IL7: variants seen among roughly 807,000 people sequenced by gnomAD.
IL7 encodes the protein interleukin-7.
A neutral mutation model predicts 21.6 loss-of-function variants in IL7; 3 were observed. That is an observed-to-expected ratio of 0.14 (90% confidence interval 0.06 to 0.36). The LOEUF (loss-of-function observed/expected upper bound fraction) is 0.36. Among genes scored for constraint, IL7 ranks in the 10% least tolerant of loss-of-function variants. The pLI, the probability that IL7 is intolerant of heterozygous loss-of-function variation, is 1.00. For synonymous variants in IL7, 62 were observed against 68.1 expected, an observed-to-expected ratio of 0.91 and a Z score of 0.44; for missense variants, 175 against 200.2, an observed-to-expected ratio of 0.87 and a Z score of 0.76.
At position 78,805,047 on chromosome 8, in the gene IL7, G is replaced by T; in HGVS notation, c.-125C>A. The T allele has an allele frequency of 9.8e-7, 1 of 1,018,642 alleles. No individual in the cohort carries two copies. The highest frequency in any genetic ancestry group is 1.6e-5 in the South Asian group (1 of 63,022). The allele number at this position is 1,018,642 out of a possible 1,614,324, so 63.1% of individuals were successfully genotyped here. On this transcript the variant is annotated 5_prime_UTR_variant, in exon 1 of 6. Transcript: ENST00000263851. Reference sequence around the variant, plus strand: ...TTGCCGAGTCTGTGTTGGGCAGGGTGATCTCTGCAGCTGGTTCCTCTTACC... The same window carrying T: ...TTGCCGAGTCTGTGTTGGGCAGGGTTATCTCTGCAGCTGGTTCCTCTTACC...
At chr8:78,789,373 A>C (rs1161027701) in intron 2 of IL7, among the ~76,000 whole-genome samples, 6 of 152,162 alleles carry the variant, frequency 3.9e-5, no homozygotes, top group Non-Finnish European at 7.3e-5. Flanking sequence ...TTTTATTGTA[A>C]TCAATTTACA....
chr8:78,734,109 GT>G (rs948972375), intron 5 of IL7, among the ~76,000 whole-genome samples: 4 of 152,162 alleles, frequency 2.6e-5, no homozygotes, highest in African/African-American at 7.2e-5. Flanking sequence ...TAATAACACT[GT>G]TTGGAATTTC....
intron 2 of IL7, among the ~76,000 whole-genome samples, chr8:78,740,549 G>A (rs1811742401): frequency 1.3e-5 from 2 of 152,166 alleles, no homozygotes; most frequent in African/African-American, 4.8e-5. Context: ...AATCACAAAT[G>A]TATAACATAC....
chr8:78,722,097 GTTATC>G (rs1484806634), intron 3 of IL7, among the ~76,000 whole-genome samples: 2 of 151,872 alleles, frequency 1.3e-5, no homozygotes, highest in African/African-American at 4.8e-5. Flanking sequence ...TATTTGGTAA[GTTATC>G]TTTTATATTT....
downstream of IL7, among the ~76,000 whole-genome samples, chr8:78,675,466 A>G (rs901188938): frequency 1.3e-5 from 2 of 152,016 alleles, no homozygotes; most frequent in Admixed American, 6.6e-5. Flanking sequence ...GTAGTAATTT[A>G]CCATAGAGAT....
At chr8:78,746,296 G>T (rs1387788429) in intron 2 of IL7, among the ~76,000 whole-genome samples, 1 of 152,164 alleles carries the variant, frequency 6.6e-6, no homozygotes, top group African/African-American at 2.4e-5. Context: ...TCAAGATGTT[G>T]GTCATGTCTG....
At chr8:78,755,032 T>C (rs1157515000) in intron 2 of IL7, among the ~76,000 whole-genome samples, 1 of 152,088 alleles carries the variant, frequency 6.6e-6, no homozygotes, top group African/African-American at 2.4e-5. Context: ...AGGGGTCTAG[T>C]TTCCTTCTTC....
intron 5 of IL7, among the ~76,000 whole-genome samples, chr8:78,720,177 G>C (rs989385326): frequency 1.3e-5 from 2 of 151,762 alleles, no homozygotes; most frequent in Non-Finnish European, 3.0e-5. Context: ...AGACATGTTT[G>C]ATTTTTTTCC....
chr8:78,781,124 T>C (rs1252649930), intron 2 of IL7, among the ~76,000 whole-genome samples: 1 of 152,200 alleles, frequency 6.6e-6, no homozygotes, highest in Admixed American at 6.5e-5. Context: ...GTACATGAGA[T>C]GTGTCTCTTA....
At chr8:78,737,967 T>A (rs189331441) in intron 4 of IL7, among the ~76,000 whole-genome samples, 19 of 152,290 alleles carry the variant, frequency 1.2e-4, no homozygotes, top group Non-Finnish European at 1.6e-4. Context: ...CTAGATGATG[T>A]CTTCCATATT....
At chr8:78,783,678 T>G (rs1813415529) in intron 2 of IL7, among the ~76,000 whole-genome samples, 1 of 152,226 alleles carries the variant, frequency 6.6e-6, no homozygotes, top group Non-Finnish European at 1.5e-5. Flanking sequence ...TGCTGTACTT[T>G]ATAACTATTT....
Position 78,804,939 on chromosome 8 carries a change from G to T in IL7, c.-17C>A. On this transcript the variant is annotated 5_prime_UTR_variant, in exon 1 of 6. Transcript: ENST00000263851. ...ATGGAACATGGTCTGCGGGAGGCGG[G>T]CGTAGTCATGATGACCGCAACTGGA... 6.2e-7 allele frequency: 1 copy of T among 1,611,406 alleles called. No individual in the cohort carries two copies. Among genetic ancestry groups the T allele is most frequent in the African/African-American group, 1.3e-5 (1 of 74,978 alleles).
At chr8:78,779,925 G>A (rs1316631929) in intron 2 of IL7, among the ~76,000 whole-genome samples, 5 of 152,036 alleles carry the variant, frequency 3.3e-5, no homozygotes, top group Non-Finnish European at 7.4e-5. Flanking sequence ...CTTGTTATTC[G>A]CCTATTCAAG....
intron 4 of IL7, among the ~76,000 whole-genome samples, chr8:78,678,059 C>T (rs561469092): frequency 2.6e-5 from 4 of 152,220 alleles, no homozygotes; most frequent in Admixed American, 1.3e-4. Context: ...AGGTCACTCT[C>T]GTCACCATTT....
chr8:78,804,949 G>C lies in IL7; in HGVS notation c.-27C>G, dbSNP rs1462203830. On this transcript the variant is annotated 5_prime_UTR_variant, in exon 1 of 6. The change creates a new upstream start codon in the 5' untranslated region. Transcript: ENST00000263851. ...GTCTGCGGGAGGCGGGCGTAGTCAT[G>C]ATGACCGCAACTGGAGCAGGAGCAA... The C allele has an allele frequency of 1.9e-6, 3 of 1,609,892 alleles. No individual in the cohort carries two copies. The highest frequency in any genetic ancestry group is 1.7e-5 in the Admixed American group (1 of 59,748).
At chr8:78,690,412 T>C (rs936717262) in intron 3 of IL7, among the ~76,000 whole-genome samples, 2 of 151,992 alleles carry the variant, frequency 1.3e-5, no homozygotes, top group Non-Finnish European at 1.5e-5. Context: ...TACAAAAAAT[T>C]AGCTGGACGT....
At chr8:78,720,582 T>C (rs1332182652) in intron 5 of IL7, among the ~76,000 whole-genome samples, 4 of 151,878 alleles carry the variant, frequency 2.6e-5, no homozygotes, top group Non-Finnish European at 5.9e-5. Flanking sequence ...AATATACATA[T>C]GATTTTTTGA....
intron 3 of IL7, among the ~76,000 whole-genome samples, chr8:78,708,682 TC>T (rs1810860331): frequency 2.3e-5 from 3 of 132,228 alleles, no homozygotes; most frequent in Non-Finnish European, 3.3e-5. Flanking sequence ...CTTTTTTTTT[TC>T]TTTTTTTTTT....
intron 2 of IL7, among the ~76,000 whole-genome samples, chr8:78,769,320 G>T: frequency 6.7e-6 from 1 of 149,466 alleles, no homozygotes; most frequent in East Asian, 2.0e-4. Context: ...TAAGCTGATA[G>T]GCAACTTCAG....
Sources: gnomAD v4.1 joint callset for allele counts (sites outside exome capture counted in the v4.1 genomes callset) on GRCh38, gnomAD v4.1.1 for gene constraint, MANE v1.5 for transcripts, NCBI Gene and HGNC (gene_info 2026-07-23, HGNC 2026-07-21) for gene names.